Variants in PDSS2 observed in about 807,000 individuals in gnomAD.
PDSS2 encodes the protein decaprenyl diphosphate synthase subunit 2.
A neutral mutation model predicts 44.5 loss-of-function variants in PDSS2; 31 were observed. The observed-to-expected ratio is 0.70, with a 90% CI of 0.52 to 0.94. The LOEUF is 0.94. PDSS2 is among the 40% of genes least tolerant of loss of function. The pLI is 0.00. For synonymous variants in PDSS2, 157 were observed against 180.3 expected (o/e 0.87, Z 1.03); for missense variants, 452 against 482.2 (o/e 0.94, Z 0.59).
intron 7 of PDSS2, among the ~76,000 whole-genome samples, chr6:107,179,525 C>T (rs201732332): frequency 1.7e-5 from 1 of 59,862 alleles, no homozygotes; most frequent in East Asian, 3.2e-4. Context: ...GTGATTCGCC[C>T]GCCTCGGCCT....
chr6:107,308,007 T>C (rs1776917775), intron 2 of PDSS2, among the ~76,000 whole-genome samples: 1 of 152,202 alleles, frequency 6.6e-6, no homozygotes, highest in African/African-American at 2.4e-5. Context: ...TTTAGAGGCC[T>C]TCCTGATAGT....
chr6:107,245,751 C>T, intron 3 of PDSS2, 132 bp from the exon 4 acceptor site: 1 of 550,980 alleles, frequency 1.8e-6, no homozygotes, highest in Non-Finnish European at 3.1e-6. Flanking sequence ...GACTATGCAC[C>T]AAGATCTCAG....
chr6:107,343,516 G>C (rs1450950509), intron 1 of PDSS2, among the ~76,000 whole-genome samples: 2 of 152,116 alleles, frequency 1.3e-5, no homozygotes, highest in African/African-American at 2.4e-5. Flanking sequence ...AATTAAACAG[G>C]AATAGAATCA....
Position 107,431,873 on chromosome 6 carries a change from A to G in PDSS2, c.296+27117T>C, listed in dbSNP as rs6925735. On this transcript the variant is annotated intron_variant, in intron 1 of 7. Coordinates refer to ENST00000369037, the MANE Select transcript of PDSS2 (RefSeq NM_020381.4). ...AACAATATGACCTCTTTTACAGATGAGATAACAAGGCTTAAGGAATTCTGT... is the reference window on the plus strand; with the variant it reads ...AACAATATGACCTCTTTTACAGATGGGATAACAAGGCTTAAGGAATTCTGT... Among the ~76,000 whole-genome samples the G allele has an allele frequency of 5.2e-3, 793 of 152,338 alleles. 6 individuals carry two copies. Among genetic ancestry groups the G allele is most frequent in the Non-Finnish European group, 8.7e-3 (594 of 68,024 alleles).
chr6:107,207,540 A>G (rs1210026040), intron 6 of PDSS2, among the ~76,000 whole-genome samples: 1 of 151,908 alleles, frequency 6.6e-6, no homozygotes, highest in Non-Finnish European at 1.5e-5. Flanking sequence ...CAAGATGGTT[A>G]TCTTATAAAG....
At chr6:107,415,755 C>T (rs1042736765) in intron 1 of PDSS2, among the ~76,000 whole-genome samples, 1 of 152,160 alleles carries the variant, frequency 6.6e-6, no homozygotes, top group South Asian at 2.1e-4. Context: ...GTAATGCTTC[C>T]GACTTCCAAA....
intron 1 of PDSS2, among the ~76,000 whole-genome samples, chr6:107,351,323 T>C (rs9486594): frequency 0.069 from 10,458 of 152,276 alleles, 433 homozygotes; most frequent in Non-Finnish European, 0.091. Flanking sequence ...ATTGTTTGTA[T>C]CATCTTGATA....
intron 1 of PDSS2, among the ~76,000 whole-genome samples, chr6:107,402,625 C>G (rs1442819221): frequency 7.4e-5 from 11 of 148,636 alleles, no homozygotes; most frequent in African/African-American, 2.7e-4. Flanking sequence ...AGAGGCCTCA[C>G]AATCATGGCA....
At chr6:107,443,201 C>A (rs1030871676) in intron 1 of PDSS2, among the ~76,000 whole-genome samples, 1 of 152,154 alleles carries the variant, frequency 6.6e-6, no homozygotes, top group African/African-American at 2.4e-5. Context: ...GGCTTTCCTG[C>A]CTCTAGCTTT....
chr6:107,250,577 T>C (rs1427505174), intron 3 of PDSS2, among the ~76,000 whole-genome samples: 1 of 152,186 alleles, frequency 6.6e-6, no homozygotes, highest in Non-Finnish European at 1.5e-5. Flanking sequence ...GCATACCTTG[T>C]TTATAGTCTC....
chr6:107,323,023 G>C (rs1777431374), intron 2 of PDSS2, among the ~76,000 whole-genome samples: 2 of 152,166 alleles, frequency 1.3e-5, no homozygotes, highest in African/African-American at 4.8e-5. Context: ...CAAGAGCACA[G>C]TGAGGAAGAC....
chr6:107,283,770 C>T (rs1011650121), intron 2 of PDSS2, among the ~76,000 whole-genome samples: 20 of 151,668 alleles, frequency 1.3e-4, no homozygotes, highest in East Asian at 5.8e-4. Flanking sequence ...TGGTGGCTCA[C>T]GCCTGTAATC....
Position 107,459,558 on chromosome 6 carries a change from G to A in PDSS2, c.-273C>T. 1 of 502,390 alleles carries A rather than the reference G, an allele frequency of 2.0e-6. No individual in the cohort carries two copies. Among genetic ancestry groups the A allele is most frequent in the Non-Finnish European group, 3.6e-6 (1 of 279,942 alleles). 31.1% of individuals were successfully genotyped at this position (502,390 alleles called of 1,614,324 possible). On this transcript the variant is annotated 5_prime_UTR_variant, in exon 1 of 8. Coordinates refer to ENST00000369037, the MANE Select transcript of PDSS2 (RefSeq NM_020381.4). The surrounding 1 kb of genome is among the most constrained non-coding windows in gnomAD (Gnocchi z 4.3). ...TGCCTATGTGGAGGACGCCATATTG[G>A]AGGCATGGAATGCGGCCTGCCGTAA... is the stretch of plus-strand genomic sequence containing the variant.
intron 3 of PDSS2, among the ~76,000 whole-genome samples, chr6:107,259,758 G>A (rs1455143093): frequency 2.0e-5 from 3 of 152,098 alleles, no homozygotes; most frequent in African/African-American, 7.2e-5. Flanking sequence ...CTACTTTATG[G>A]TTCTTTCCAC....
intron 1 of PDSS2, among the ~76,000 whole-genome samples, chr6:107,356,130 T>C (rs1778592121): frequency 6.6e-6 from 1 of 152,226 alleles, no homozygotes; most frequent in African/African-American, 2.4e-5. Flanking sequence ...TGAAAAAACT[T>C]TCCCCATGAA....
intron 1 of PDSS2, among the ~76,000 whole-genome samples, chr6:107,345,515 A>G (rs1778214796): frequency 6.6e-6 from 1 of 151,922 alleles, no homozygotes; most frequent in Admixed American, 6.6e-5. Flanking sequence ...ACAATTACTC[A>G]TAACATATTA....
chr6:107,245,231 C>T (rs1009269389), intron 4 of PDSS2, among the ~76,000 whole-genome samples: 3 of 152,074 alleles, frequency 2.0e-5, no homozygotes, highest in African/African-American at 4.8e-5. Context: ...TGCCTCAGCA[C>T]GAGCTGCTCC....
intron 4 of PDSS2, among the ~76,000 whole-genome samples, chr6:107,214,514 C>G (rs1773348769): frequency 6.6e-6 from 1 of 152,130 alleles, no homozygotes; most frequent in Non-Finnish European, 1.5e-5. Context: ...AATGCTGAAG[C>G]AAACATATAA....
At chr6:107,252,378 T>C (rs1774850636) in intron 3 of PDSS2, among the ~76,000 whole-genome samples, 1 of 152,164 alleles carries the variant, frequency 6.6e-6, no homozygotes, top group Admixed American at 6.6e-5. Flanking sequence ...TTTTCAGTAC[T>C]GCCAAATGTG....
Sources: allele counts gnomAD v4.1 joint callset (sites outside exome capture counted in the v4.1 genomes callset), GRCh38; gene constraint gnomAD v4.1.1; non-coding constraint Gnocchi (gnomAD v3.1); transcripts MANE v1.5; gene names NCBI Gene and HGNC (gene_info 2026-07-23, HGNC 2026-07-21).